Variants in POU6F2 observed in about 807,000 individuals in gnomAD.
POU6F2 encodes POU domain, class 6, transcription factor 2.
Under a neutral mutation model 71.3 loss-of-function variants are expected in POU6F2, and 31 were observed. The observed-to-expected ratio is 0.43, with a 90% CI of 0.33 to 0.59. POU6F2 has a LOEUF of 0.59. POU6F2 is among the 20% of genes least tolerant of loss of function. The pLI is 0.04. For synonymous variants in POU6F2, 347 were observed against 355.7 expected (o/e 0.98, Z 0.27); for missense variants, 783 against 856.8 (o/e 0.91, Z 1.07).
intron 6 of POU6F2, among the ~76,000 whole-genome samples, chr7:39,419,508 G>A (rs1787801482): frequency 6.6e-6 from 1 of 152,016 alleles, no homozygotes; most frequent in South Asian, 2.1e-4. Context: ...TCAAAGTGCT[G>A]GGGTTACAGG....
intron 5 of POU6F2, 78 bp from the exon 6 acceptor site, chr7:39,406,522 C>A: frequency 6.5e-7 from 1 of 1,527,488 alleles, no homozygotes; most frequent in Non-Finnish European, 8.9e-7. Flanking sequence ...GAACTACCTC[C>A]CCAGAGTCAA....
intron 9 of POU6F2, among the ~76,000 whole-genome samples, chr7:39,462,595 T>A (rs1477087116): frequency 3.3e-5 from 5 of 152,190 alleles, no homozygotes; most frequent in African/African-American, 1.2e-4. Context: ...ATCAAATATT[T>A]AAGCTTTGGG....
At chr7:39,399,528 T>C (rs1787251560) in intron 5 of POU6F2, among the ~76,000 whole-genome samples, 1 of 152,190 alleles carries the variant, frequency 6.6e-6, no homozygotes, top group Non-Finnish European at 1.5e-5. Context: ...TTATAAAGGA[T>C]ACAAATGAGT....
chr7:39,267,227 C>CACATAAAATT (rs1784262894), intron 4 of POU6F2, among the ~76,000 whole-genome samples: 4 of 152,172 alleles, frequency 2.6e-5, no homozygotes, highest in Non-Finnish European at 5.9e-5. Flanking sequence ...AGAACACACA[C>CACATAAAATT]ACAGACGCCC....
chr7:39,248,573 T>A (rs142240764), intron 4 of POU6F2, among the ~76,000 whole-genome samples: 9 of 152,314 alleles, frequency 5.9e-5, no homozygotes, highest in African/African-American at 1.9e-4. Flanking sequence ...GGATCTTCTC[T>A]GTGCATGCAT....
chr7:39,272,193 T>C (rs1233918026), intron 4 of POU6F2, among the ~76,000 whole-genome samples: 1 of 152,218 alleles, frequency 6.6e-6, no homozygotes, highest in African/African-American at 2.4e-5. Flanking sequence ...CACTTAGTAG[T>C]TGCTCAGCTA....
intron 1 of POU6F2, among the ~76,000 whole-genome samples, chr7:38,997,263 T>C (rs1300855021): frequency 6.6e-6 from 1 of 152,200 alleles, no homozygotes; most frequent in Non-Finnish European, 1.5e-5. Context: ...AGCCCCATCC[T>C]GTCTTTTCCT....
intron 4 of POU6F2, among the ~76,000 whole-genome samples, chr7:39,323,482 T>A (rs12701732): frequency 6.6e-6 from 1 of 152,172 alleles, no homozygotes; most frequent in Non-Finnish European, 1.5e-5. Context: ...CATCCCCGTC[T>A]GCTGGCTGTG....
At chr7:38,989,815 G>T (rs1278468832) in intron 1 of POU6F2, among the ~76,000 whole-genome samples, 3 of 138,972 alleles carry the variant, frequency 2.2e-5, no homozygotes, top group African/African-American at 7.8e-5. Flanking sequence ...GTGTGTGTGT[G>T]TGTGTGTGTG....
chr7:39,105,101 G>A (rs1791651599), intron 2 of POU6F2, among the ~76,000 whole-genome samples: 1 of 152,168 alleles, frequency 6.6e-6, no homozygotes, highest in African/African-American at 2.4e-5. Flanking sequence ...CAAGAGCAGA[G>A]GGCAGATGGA....
intron 4 of POU6F2, among the ~76,000 whole-genome samples, chr7:39,299,575 AG>A (rs2128764312): frequency 1.3e-5 from 2 of 152,348 alleles, no homozygotes; most frequent in African/African-American, 4.8e-5. Context: ...ATAGGTAATG[AG>A]GGGCTTGAGT....
intron 4 of POU6F2, among the ~76,000 whole-genome samples, chr7:39,285,103 C>G (rs11514715): frequency 0.69 from 105,343 of 152,122 alleles, 36,579 homozygotes; most frequent in Middle Eastern, 0.78. Flanking sequence ...GGCCAGAAAG[C>G]GACAAATCCT....
intron 1 of POU6F2, among the ~76,000 whole-genome samples, chr7:39,012,479 G>A (rs890924277): frequency 7.4e-5 from 11 of 149,240 alleles, no homozygotes; most frequent in South Asian, 4.3e-4. Context: ...ATGTCCTCCC[G>A]TAGCTCAGAG....
chr7:39,136,535 G>T (rs1792392038), intron 2 of POU6F2, among the ~76,000 whole-genome samples: 1 of 152,156 alleles, frequency 6.6e-6, no homozygotes, highest in South Asian at 2.1e-4. Flanking sequence ...TGTGGCTGGG[G>T]TGTAAATAAG....
Position 39,430,871 on chromosome 7 carries a change from G to A in POU6F2, c.1114-2206G>A, listed in dbSNP as rs142703043. Among the ~76,000 whole-genome samples, 813 of 152,306 alleles carry A rather than the reference G, an allele frequency of 5.3e-3. 10 individuals carry two copies. Among genetic ancestry groups the A allele is most frequent in the African/African-American group, 0.019 (781 of 41,558 alleles). Reference sequence around the variant, plus strand: ...TGCAAAGGCCTAAGACACTGGGGAAGGCCAGAGTGGATGGGTCAGTGGCTG... The same window carrying A: ...TGCAAAGGCCTAAGACACTGGGGAAAGCCAGAGTGGATGGGTCAGTGGCTG... On this transcript the variant is annotated intron_variant, in intron 6 of 9. Coordinates refer to ENST00000518318, the MANE Select transcript of POU6F2 (RefSeq NM_001370959.1).
At chr7:39,344,369 G>C (rs1785987151) in intron 5 of POU6F2, among the ~76,000 whole-genome samples, 3 of 152,104 alleles carry the variant, frequency 2.0e-5, no homozygotes, top group Admixed American at 2.0e-4. Context: ...TACCACTCAG[G>C]CACAGCAGAG....
chr7:39,095,864 A>G (rs1791445083), intron 2 of POU6F2, among the ~76,000 whole-genome samples: 1 of 152,206 alleles, frequency 6.6e-6, no homozygotes, highest in Non-Finnish European at 1.5e-5. Flanking sequence ...CAGCAAGCCC[A>G]TTGTTGATCT....
chr7:39,046,116 A>G (rs917373796), intron 1 of POU6F2, among the ~76,000 whole-genome samples: 1 of 151,848 alleles, frequency 6.6e-6, no homozygotes, highest in Non-Finnish European at 1.5e-5. Context: ...CTTGCCAAAA[A>G]TTGATATTGT....
intron 4 of POU6F2, among the ~76,000 whole-genome samples, chr7:39,230,984 TTTG>T (rs1192400194): frequency 6.6e-6 from 1 of 152,176 alleles, no homozygotes; most frequent in East Asian, 1.9e-4. Flanking sequence ...GGAAGCACTT[TTTG>T]TTGTTGTAAT....
Sources: allele counts gnomAD v4.1 joint callset (sites outside exome capture counted in the v4.1 genomes callset), GRCh38; gene constraint gnomAD v4.1.1; transcripts MANE v1.5; gene names NCBI Gene and HGNC (gene_info 2026-07-23, HGNC 2026-07-21).